Variants in TPTE observed in about 807,000 individuals in gnomAD.
The protein encoded by TPTE is transmembrane phosphatase with tensin homology, also known as putative tyrosine-protein phosphatase TPTE.
In TPTE, 59 loss-of-function variants were observed where a neutral mutation model predicts 84.1. The ratio of observed to expected loss-of-function variants is 0.70; its 90% CI spans 0.57 to 0.87. TPTE has a LOEUF of 0.87. Among genes scored for constraint, TPTE ranks in the 40% least tolerant of loss-of-function variants. The pLI is 0.00. For synonymous variants in TPTE, 130 were observed against 223.5 expected, an observed-to-expected ratio of 0.58 and a Z score of 3.73; for missense variants, 382 against 659.6, an observed-to-expected ratio of 0.58 and a Z score of 4.61.
intron 17 of TPTE, among the ~76,000 whole-genome samples, chr21:10,582,123 C>T (rs1218680270): frequency 2.0e-5 from 3 of 152,294 alleles, no homozygotes; most frequent in Non-Finnish European, 4.4e-5. Flanking sequence ...ATGAAATTCA[C>T]CCCCCTATAC....
At chr21:10,555,008 T>C (rs1374582543) in intron 8 of TPTE, among the ~76,000 whole-genome samples, 10 of 152,288 alleles carry the variant, frequency 6.6e-5, no homozygotes, top group Non-Finnish European at 1.0e-4. Flanking sequence ...AAGAGAAAAA[T>C]GTGTCCAGTG....
chr21:10,563,491 CAAA>C (rs1359592584), intron 10 of TPTE, among the ~76,000 whole-genome samples: 33 of 152,250 alleles, frequency 2.2e-4, no homozygotes, highest in Admixed American at 2.0e-3. Flanking sequence ...ATAGAAATAA[CAAA>C]AAGTTAAAAA....
rs1979177537 is a variant in TPTE at position 10,605,477 on chromosome 21, T to A, written c.1581T>A (p.Tyr527Ter). The A allele has an allele frequency of 6.2e-7, 1 of 1,614,130 alleles. No homozygotes were observed. The highest frequency in any genetic ancestry group is 8.5e-7 in the Non-Finnish European group (1 of 1,180,038). Residue 527 changes from tyrosine to a stop codon, truncating the protein, a stop_gained, in exon 24 of 24, where the codon TAT becomes TAA. Transcript: ENST00000618007. LOFTEE classifies it high-confidence loss of function. ...NLHKQKARRIYPSDFAVEILF... is the reference protein window; with the variant it reads ...NLHKQKARRI ...ATAAACAAAAAGCACGGAGAATTTA[T>A]CCATCAGATTTTGCCGTGGAGATAC... is the stretch of plus-strand genomic sequence containing the variant.
chr21:10,589,180 T>A (rs1222672038), intron 17 of TPTE, among the ~76,000 whole-genome samples: 1 of 152,302 alleles, frequency 6.6e-6, no homozygotes, highest in Non-Finnish European at 1.5e-5. Context: ...CCTATAATAT[T>A]ATTGTTATTT....
intron 7 of TPTE, among the ~76,000 whole-genome samples, chr21:10,543,656 G>A (rs2074412926): frequency 6.6e-6 from 1 of 152,308 alleles, no homozygotes; most frequent in Admixed American, 6.5e-5. Context: ...AGATAACTTT[G>A]CACCTTTTTT....
rs2074047330 is a variant in TPTE, at chr21:10,524,650, T to C, written c.-140T>C. 6.5e-6 allele frequency: 1 copy of C among 153,060 alleles called. No individual in the cohort carries two copies. The highest frequency in any genetic ancestry group is 2.4e-5 in the African/African-American group (1 of 41,506). 9.5% of individuals were successfully genotyped at this position (153,060 alleles called of 1,614,324 possible). On this transcript the variant is annotated 5_prime_UTR_variant, in exon 2 of 24. Transcript: ENST00000618007. Reference sequence around the variant, plus strand: ...AGCAGCTGAACACACCCCAGGCTCTTCTGCCCGGCAGTGGCTCTGGAAGCA... The same window carrying C: ...AGCAGCTGAACACACCCCAGGCTCTCCTGCCCGGCAGTGGCTCTGGAAGCA...
At chr21:10,527,805 T>G (rs1343627469) in intron 3 of TPTE, among the ~76,000 whole-genome samples, 13 of 152,296 alleles carry the variant, frequency 8.5e-5, no homozygotes, top group African/African-American at 3.1e-4. Context: ...CATCATCACA[T>G]TGGATGGAGC....
Position 10,598,052 on chromosome 21 carries a change from GA to G in TPTE, c.1319del (p.Lys440ArgfsTer9), listed in dbSNP as rs778992795. The G allele has an allele frequency of 1.2e-5, 20 of 1,613,670 alleles. No individual in the cohort carries two copies. Among genetic ancestry groups the G allele is most frequent in the Admixed American group, 1.7e-5 (1 of 59,998 alleles). On this transcript the variant is annotated frameshift_variant, in exon 21 of 24. Coordinates refer to ENST00000618007, the MANE Select transcript of TPTE (RefSeq NM_199261.4). LOFTEE classifies it high-confidence loss of function. ...ATCTAAAAATCCAAATAGAAATGGA[GA>G]AAAAGGTTGTCTTTTCCACTATTTC... is the stretch of plus-strand genomic sequence containing the variant. ...RDLKIQIEME[K>X]KVVFSTISLG...
At chr21:10,542,701 A>G (rs1037119169) in intron 6 of TPTE, among the ~76,000 whole-genome samples, 2 of 152,304 alleles carry the variant, frequency 1.3e-5, no homozygotes, top group African/African-American at 4.8e-5. Context: ...AGACTGGTGG[A>G]CATTTGTGGA....
At chr21:10,548,155 A>T (rs1341096908) in intron 7 of TPTE, among the ~76,000 whole-genome samples, 2 of 152,306 alleles carry the variant, frequency 1.3e-5, no homozygotes, top group African/African-American at 4.8e-5. Flanking sequence ...CCTGAGAGAC[A>T]AGCAACTGTG....
chr21:10,556,024 T>A (rs2074675795), intron 8 of TPTE, among the ~76,000 whole-genome samples: 1 of 152,304 alleles, frequency 6.6e-6, no homozygotes, highest in Admixed American at 6.5e-5. Flanking sequence ...ATCATTTATT[T>A]ACATTTTCAC....
At chr21:10,594,452 T>C (rs1383462018) in intron 19 of TPTE, among the ~76,000 whole-genome samples, 1 of 152,304 alleles carries the variant, frequency 6.6e-6, no homozygotes. Context: ...TAATGTTTTC[T>C]TTGTTTGTAG....
chr21:10,558,815 A>T (rs1243345358), intron 8 of TPTE, among the ~76,000 whole-genome samples: 1 of 152,254 alleles, frequency 6.6e-6, no homozygotes, highest in African/African-American at 2.4e-5. Context: ...GACAAAAAAA[A>T]TTGTTCCTCA....
chr21:10,567,155 A>T (rs1312668744), intron 10 of TPTE, among the ~76,000 whole-genome samples: 1 of 150,060 alleles, frequency 6.7e-6, no homozygotes, highest in Non-Finnish European at 1.5e-5. Flanking sequence ...GAGTAGATGG[A>T]TGGTCATCAG....
chr21:10,553,810 C>T (rs2074626473), intron 8 of TPTE, among the ~76,000 whole-genome samples: 2 of 152,312 alleles, frequency 1.3e-5, no homozygotes. Context: ...CTTTAACTTT[C>T]AGATTATTCA....
intron 17 of TPTE, among the ~76,000 whole-genome samples, chr21:10,581,004 A>G (rs1452022117): frequency 1.3e-5 from 2 of 152,426 alleles, no homozygotes; most frequent in African/African-American, 4.8e-5. Context: ...GTGGGCTCTA[A>G]ATCAATTTTT....
chr21:10,528,678 G>GT (rs1182783158), intron 3 of TPTE, among the ~76,000 whole-genome samples: 3 of 152,304 alleles, frequency 2.0e-5, no homozygotes, highest in Admixed American at 6.5e-5. Context: ...ACTTCTTATC[G>GT]TAAGATTACC....
At chr21:10,527,636 C>G (rs1349288281) in intron 3 of TPTE, among the ~76,000 whole-genome samples, 5 of 152,308 alleles carry the variant, frequency 3.3e-5, no homozygotes, top group African/African-American at 4.8e-5. Flanking sequence ...GTGTATGAGA[C>G]TCTCTTCAAG....
At chr21:10,549,937 T>C (rs1165421200) in intron 7 of TPTE, among the ~76,000 whole-genome samples, 1 of 152,306 alleles carries the variant, frequency 6.6e-6, no homozygotes, top group Non-Finnish European at 1.5e-5. Context: ...AACACACTTA[T>C]AATGGAATCC....
Sources: allele counts gnomAD v4.1 joint callset (sites outside exome capture counted in the v4.1 genomes callset), GRCh38; gene constraint gnomAD v4.1.1; transcripts MANE v1.5; gene names NCBI Gene and HGNC (gene_info 2026-07-23, HGNC 2026-07-21).